ZFPM2: variants seen among roughly 807,000 people sequenced by gnomAD.
ZFPM2 encodes the protein zinc finger protein, FOG family member 2.
A neutral mutation model predicts 98.6 loss-of-function variants in ZFPM2; 20 were observed. That is an observed-to-expected ratio of 0.20 (90% CI 0.14 to 0.29). The LOEUF is 0.29. Among genes scored for constraint, ZFPM2 ranks in the 10% least tolerant of loss-of-function variants. The pLI is 1.00. For synonymous variants in ZFPM2, 518 were observed against 502.7 expected (o/e 1.03, Z -0.41); for missense variants, 1,310 against 1,388.6 (o/e 0.94, Z 0.90).
chr8:105,680,921 A>G (rs1810585463), intron 5 of ZFPM2, among the ~76,000 whole-genome samples: 1 of 152,200 alleles, frequency 6.6e-6, no homozygotes, highest in Non-Finnish European at 1.5e-5. Context: ...ATCAAGGAGC[A>G]GACAACAAAC....
At chr8:105,500,075 T>C (rs1813558328) in intron 3 of ZFPM2, among the ~76,000 whole-genome samples, 1 of 152,220 alleles carries the variant, frequency 6.6e-6, no homozygotes, top group Non-Finnish European at 1.5e-5. Flanking sequence ...CTAAAACTCT[T>C]CTATTCCAAA....
At chr8:105,446,975 T>C (rs1312196670) in intron 3 of ZFPM2, among the ~76,000 whole-genome samples, 2 of 152,132 alleles carry the variant, frequency 1.3e-5, no homozygotes, top group Non-Finnish European at 2.9e-5. Context: ...GCAATTACTT[T>C]GATGTTACTA....
chr8:105,341,507 C>T (rs1812431237), intron 1 of ZFPM2, among the ~76,000 whole-genome samples: 1 of 151,622 alleles, frequency 6.6e-6, no homozygotes, highest in Non-Finnish European at 1.5e-5. Context: ...ATGCATGTGG[C>T]AATACAGTAT....
chr8:105,689,594 T>C (rs1206605088), intron 5 of ZFPM2, among the ~76,000 whole-genome samples: 1 of 152,190 alleles, frequency 6.6e-6, no homozygotes, highest in Non-Finnish European at 1.5e-5. Context: ...ATTTTATGTA[T>C]AAACAAGTTG....
At chr8:105,747,876 C>T (rs1025830636) in intron 5 of ZFPM2, among the ~76,000 whole-genome samples, 4 of 152,076 alleles carry the variant, frequency 2.6e-5, no homozygotes, top group African/African-American at 4.8e-5. Context: ...TGCATTCACA[C>T]GTGTGGTATG....
chr8:105,629,373 G>C (rs916466639), intron 4 of ZFPM2, among the ~76,000 whole-genome samples: 1 of 152,174 alleles, frequency 6.6e-6, no homozygotes, highest in Non-Finnish European at 1.5e-5. Flanking sequence ...AGGTATATTT[G>C]ATGTTATTTC....
intron 3 of ZFPM2, among the ~76,000 whole-genome samples, chr8:105,448,973 C>T (rs1308895150): frequency 6.6e-5 from 10 of 151,878 alleles, no homozygotes; most frequent in African/African-American, 1.9e-4. Context: ...ATTCCATGAC[C>T]GAAGTCTGTT....
At chr8:105,738,345 A>C (rs1471789975) in intron 5 of ZFPM2, among the ~76,000 whole-genome samples, 1 of 152,030 alleles carries the variant, frequency 6.6e-6, no homozygotes, top group African/African-American at 2.4e-5. Flanking sequence ...TGCAAAGAAC[A>C]TGATCTCACT....
At chr8:105,618,262 A>C (rs916217286) in intron 4 of ZFPM2, among the ~76,000 whole-genome samples, 5 of 152,160 alleles carry the variant, frequency 3.3e-5, no homozygotes, top group African/African-American at 1.2e-4. Flanking sequence ...CCATAGAAAG[A>C]ATTATGTTTC....
intron 1 of ZFPM2, among the ~76,000 whole-genome samples, chr8:105,417,702 A>G (rs1307422021): frequency 6.6e-6 from 1 of 152,200 alleles, no homozygotes; most frequent in East Asian, 1.9e-4. Context: ...GAAACAGTTA[A>G]TAAGATAAAA....
chr8:105,759,579 CTTGT>C (rs943182487), intron 5 of ZFPM2, among the ~76,000 whole-genome samples: 53 of 135,392 alleles, frequency 3.9e-4, no homozygotes, highest in Non-Finnish European at 7.0e-4. Flanking sequence ...CTTGATAATC[CTTGT>C]GTGTGTGTGT....
chr8:105,452,365 A>G (rs562436768), intron 3 of ZFPM2, among the ~76,000 whole-genome samples: 7 of 152,270 alleles, frequency 4.6e-5, no homozygotes, highest in South Asian at 2.1e-4. Flanking sequence ...ATGCATCTCA[A>G]CAGGGCACTT....
chr8:105,321,342 A>G (rs566945992), intron 1 of ZFPM2, among the ~76,000 whole-genome samples: 9 of 152,354 alleles, frequency 5.9e-5, no homozygotes, highest in African/African-American at 1.9e-4. Context: ...ATTACAAACA[A>G]CACTGTTACT....
At chr8:105,544,295 A>G (rs1462499562) in intron 3 of ZFPM2, among the ~76,000 whole-genome samples, 1 of 152,212 alleles carries the variant, frequency 6.6e-6, no homozygotes, top group African/African-American at 2.4e-5. Flanking sequence ...GAATATATTT[A>G]CGACTAACAG....
At chr8:105,625,702 C>G (rs745619430) in intron 4 of ZFPM2, among the ~76,000 whole-genome samples, 13 of 151,868 alleles carry the variant, frequency 8.6e-5, no homozygotes, top group Non-Finnish European at 1.9e-4. Flanking sequence ...GCCTCAGCCT[C>G]CCAAGTAGCT....
chr8:105,658,045 AT>A (rs1294415618), intron 5 of ZFPM2, among the ~76,000 whole-genome samples: 1 of 151,944 alleles, frequency 6.6e-6, no homozygotes, highest in East Asian at 1.9e-4. Context: ...TGACTATGCC[AT>A]TTTTTTATCC....
At chr8:105,695,732 C>A (rs1811003605) in intron 5 of ZFPM2, among the ~76,000 whole-genome samples, 1 of 152,070 alleles carries the variant, frequency 6.6e-6, no homozygotes, top group South Asian at 2.1e-4. Context: ...ATATTATGAG[C>A]AGAAAATAGG....
chr8:105,336,276 C>T (rs1812323692), intron 1 of ZFPM2, among the ~76,000 whole-genome samples: 1 of 151,630 alleles, frequency 6.6e-6, no homozygotes, highest in South Asian at 2.1e-4. Context: ...TATATAAGGG[C>T]TGTTGAGAGG....
At chr8:105,577,348 A>G (rs1240623447) in intron 4 of ZFPM2, among the ~76,000 whole-genome samples, 2 of 152,138 alleles carry the variant, frequency 1.3e-5, no homozygotes, top group Non-Finnish European at 2.9e-5. Flanking sequence ...ATGCACATGC[A>G]TGCTCATATA....
Sources: allele counts gnomAD v4.1 joint callset (sites outside exome capture counted in the v4.1 genomes callset), GRCh38; gene constraint gnomAD v4.1.1; transcripts MANE v1.5; gene names NCBI Gene and HGNC (gene_info 2026-07-23, HGNC 2026-07-21).